The following PIWIL4 variants were observed in gnomAD, a reference collection of about 807,000 sequenced individuals.
The protein encoded by PIWIL4 is piwi-like protein 4.
Under a neutral mutation model 100.9 loss-of-function variants are expected in PIWIL4, and 50 were observed. The observed-to-expected ratio is 0.50, with a 90% confidence interval of 0.39 to 0.63. PIWIL4 has a LOEUF of 0.63. Among genes scored for constraint, PIWIL4 ranks in the 20% least tolerant of loss-of-function variants. PIWIL4 has a pLI of 0.00. For synonymous variants in PIWIL4, 342 were observed against 367.5 expected (o/e 0.93, Z 0.79); for missense variants, 887 against 1,043.3 (o/e 0.85, Z 2.06).
intron 7 of PIWIL4, among the ~76,000 whole-genome samples, chr11:94,588,160 G>A (rs764297062): frequency 1.3e-5 from 2 of 151,342 alleles, no homozygotes; most frequent in Non-Finnish European, 2.9e-5. Context: ...CCCTCCTCGT[G>A]TCCATGTGTT....
At chr11:94,599,362 G>A (rs1053299123) in intron 11 of PIWIL4, among the ~76,000 whole-genome samples, 1 of 152,236 alleles carries the variant, frequency 6.6e-6, no homozygotes, top group Non-Finnish European at 1.5e-5. Context: ...GGTAGCAGGT[G>A]TCTAAGATGA....
chr11:94,586,238 C>T (rs1478677040), intron 6 of PIWIL4, among the ~76,000 whole-genome samples: 3 of 151,984 alleles, frequency 2.0e-5, no homozygotes, highest in South Asian at 2.1e-4. Context: ...TCTGTCCACC[C>T]GGATTAGAAA....
At chr11:94,613,344 C>T (rs1948807231) in intron 15 of PIWIL4, among the ~76,000 whole-genome samples, 1 of 152,178 alleles carries the variant, frequency 6.6e-6, no homozygotes, top group South Asian at 2.1e-4. Context: ...ATGAGGGTTC[C>T]TTTGTATGTA....
chr11:94,589,354 C>T, intron 8 of PIWIL4, 122 bp downstream of exon 8: 1 of 743,400 alleles, frequency 1.3e-6, no homozygotes, highest in Non-Finnish European at 2.2e-6. Context: ...GATTCTCTGA[C>T]TTGTCTCTCT....
chr11:94,569,412 C>T (rs1174665137), intron 2 of PIWIL4, among the ~76,000 whole-genome samples: 1 of 150,862 alleles, frequency 6.6e-6, no homozygotes, highest in Non-Finnish European at 1.5e-5. Flanking sequence ...GAGTTTTGCT[C>T]TTGTTGTCCA....
At chr11:94,583,606 T>C (rs1948356940) in intron 5 of PIWIL4, 37 bp downstream of exon 5, 1 of 1,611,784 alleles carries the variant, frequency 6.2e-7, no homozygotes. Context: ...TTTGGGCTAA[T>C]GATACCTTTC....
rs1416050285 is a variant in PIWIL4 at position 94,583,040 on chromosome 11, ATATATGTGTG to A, written c.514-406_514-397del. Among the ~76,000 whole-genome samples, 30 of 118,138 alleles carry A rather than the reference ATATATGTGTG, an allele frequency of 2.5e-4. No individual in the cohort carries two copies. In the Admixed American group the frequency reaches 2.8e-3, roughly 11 times the overall value. The allele number at this position is 118,138 out of a possible 152,430, so 77.5% of individuals were successfully genotyped here. A position where few individuals can be genotyped will look rare whatever the true frequency, so the allele number is the denominator to read the frequency against. The stretch of plus-strand genomic sequence containing the variant: ...ACACTGTTGTGGTGTGTGTATATAT[ATATATGTGTG>A]TGTGTGTGTGTGTGTGTGTGTGTGA... On this transcript the variant is annotated intron_variant, in intron 4 of 19. Coordinates refer to ENST00000299001, the MANE Select transcript of PIWIL4 (RefSeq NM_152431.3).
Position 94,611,114 on chromosome 11 carries a change from C to T in PIWIL4, c.1943+2428C>T, listed in dbSNP as rs572228744. Among the ~76,000 whole-genome samples the T allele has an allele frequency of 4.6e-5, 7 of 152,100 alleles. No homozygotes were observed. The South Asian group carries it at 8.3e-4, about 18-fold the overall frequency. On this transcript the variant is annotated intron_variant, in intron 15 of 19. Transcript: ENST00000299001. ...TGGATTTATTTCTGGGCGTCTTATC[C>T]CATTCCATTTGCGTATGTGTCAGTT...
Position 94,574,981 on chromosome 11 carries a change from A to C in PIWIL4, c.167-18A>C, listed in dbSNP as rs765275592. On this transcript the variant is annotated intron_variant, in intron 2 of 19. Coordinates refer to ENST00000299001, the MANE Select transcript of PIWIL4 (RefSeq NM_152431.3). ...AGAATGAAATATTAGCTGTTACCAC[A>C]TTCTCTTCATGTTTTAGATAAATAT... is the stretch of plus-strand genomic sequence containing the variant. The C allele has an allele frequency of 2.5e-6, 4 of 1,608,458 alleles. No individual in the cohort carries two copies. Among genetic ancestry groups the C allele is most frequent in the East Asian group, 4.5e-5 (2 of 44,754 alleles).
At chr11:94,569,797 A>C (rs192462072) in intron 2 of PIWIL4, among the ~76,000 whole-genome samples, 2 of 135,170 alleles carry the variant, frequency 1.5e-5, no homozygotes, top group East Asian at 5.3e-4. Flanking sequence ...AATAATAGAC[A>C]TTGGAGACTC....
At chr11:94,595,119 G>T (rs969454462) in intron 9 of PIWIL4, among the ~76,000 whole-genome samples, 190 bp from the exon 10 acceptor site, 1 of 152,102 alleles carries the variant, frequency 6.6e-6, no homozygotes, top group Admixed American at 6.6e-5. Flanking sequence ...AAGTAATTTC[G>T]TCTGTTTCTT....
At chr11:94,573,361 T>G (rs1948186685) in intron 2 of PIWIL4, among the ~76,000 whole-genome samples, 3 of 152,204 alleles carry the variant, frequency 2.0e-5, no homozygotes, top group Non-Finnish European at 4.4e-5. Context: ...ATCCCTGTCT[T>G]ATGCCAGTTT....
chr11:94,585,568 T>C (rs1591784496), intron 6 of PIWIL4, 43 bp downstream of exon 6: 2 of 1,435,762 alleles, frequency 1.4e-6, no homozygotes, highest in East Asian at 4.6e-5. Flanking sequence ...ATTATTATAA[T>C]GTGAGCAACA....
intron 11 of PIWIL4, among the ~76,000 whole-genome samples, chr11:94,599,959 G>C (rs1948611465): frequency 6.6e-6 from 1 of 152,182 alleles, no homozygotes. Context: ...TCTAGGCAGT[G>C]CTCAAGCTGC....
At chr11:94,601,483 C>G (rs568684374) in intron 11 of PIWIL4, among the ~76,000 whole-genome samples, 1 of 152,184 alleles carries the variant, frequency 6.6e-6, no homozygotes, top group Non-Finnish European at 1.5e-5. Context: ...CATAGATACT[C>G]AGAGCTGGAA....
At chr11:94,608,515 C>T in intron 14 of PIWIL4, 68 bp from the exon 15 acceptor site, 2 of 1,375,796 alleles carry the variant, frequency 1.5e-6, no homozygotes, top group South Asian at 2.4e-5. Context: ...TAAAAACTTT[C>T]CTATTAAACC....
chr11:94,596,238 T>C (rs1948556863), intron 10 of PIWIL4, among the ~76,000 whole-genome samples: 1 of 152,026 alleles, frequency 6.6e-6, no homozygotes, highest in Non-Finnish European at 1.5e-5. Flanking sequence ...GGCTATATTG[T>C]TGATCAACAG....
chr11:94,568,414 A>G (rs577735642), intron 1 of PIWIL4, among the ~76,000 whole-genome samples: 19 of 152,256 alleles, frequency 1.2e-4, no homozygotes, highest in African/African-American at 4.3e-4. Flanking sequence ...CATGAGGTCC[A>G]TGTGCATCTG....
chr11:94,619,612 A>C, intron 17 of PIWIL4, 148 bp from the exon 18 acceptor site: 1 of 908,324 alleles, frequency 1.1e-6, no homozygotes, highest in Non-Finnish European at 1.6e-6. Flanking sequence ...TCTCTAGGGA[A>C]GGAGGGATTG....
Sources: gnomAD v4.1 joint callset for allele counts (sites outside exome capture counted in the v4.1 genomes callset) on GRCh38, gnomAD v4.1.1 for gene constraint, MANE v1.5 for transcripts, NCBI Gene and HGNC (gene_info 2026-07-23, HGNC 2026-07-21) for gene names.